The following AOAH variants were observed in gnomAD, a reference collection of about 807,000 sequenced individuals.
The protein encoded by AOAH is acyloxyacyl hydrolase.
Under a neutral mutation model 92.2 loss-of-function variants are expected in AOAH, and 64 were observed. That is an observed-to-expected ratio of 0.69 (90% CI 0.57 to 0.86). AOAH has a LOEUF of 0.86. Ranked by LOEUF, AOAH falls within the 40% of genes least tolerant of loss-of-function variation. The pLI is 0.00. For synonymous variants in AOAH, 263 were observed against 254.5 expected (o/e 1.03, Z -0.32); for missense variants, 656 against 694.6 (o/e 0.94, Z 0.62).
intron 3 of AOAH, among the ~76,000 whole-genome samples, chr7:36,660,137 C>T (rs570368214): frequency 2.5e-4 from 38 of 152,264 alleles, no homozygotes; most frequent in African/African-American, 6.0e-4. Context: ...ATAAAGCAAC[C>T]GCTTCCCCAT....
chr7:36,672,331 C>T (rs1470410055), intron 3 of AOAH, among the ~76,000 whole-genome samples: 1 of 152,162 alleles, frequency 6.6e-6, no homozygotes, highest in Non-Finnish European at 1.5e-5. Context: ...CTAATGGCCC[C>T]TTGAAGAGGA....
rs1278104553 is a variant in AOAH, at chr7:36,513,276, C to T, written c.1704G>A (p.Val568=). The T allele has an allele frequency of 1.2e-6, 2 of 1,614,204 alleles. No homozygotes were observed. Among genetic ancestry groups the T allele is most frequent in the South Asian group, 1.1e-5 (1 of 91,088 alleles). ...CTCAGTGCCCGCCTTGGTCTCCAAA[C>T]ACCTGTTTAATCTGGGGGTTGAACG... ...ENPFNPQIKQ[V]FGDQGGH The change falls in exon 21 of 21, where the codon GTG becomes GTA. Residue 568 remains valine (V), a synonymous_variant. Transcript: ENST00000617537.
intron 1 of AOAH, among the ~76,000 whole-genome samples, chr7:36,718,498 G>A (rs1392586420): frequency 1.3e-5 from 2 of 152,092 alleles, no homozygotes; most frequent in Admixed American, 6.5e-5. Flanking sequence ...ACAAAATCTT[G>A]TACATGAATA....
chr7:36,600,833 A>G (rs1456680544), intron 11 of AOAH, among the ~76,000 whole-genome samples: 1 of 152,182 alleles, frequency 6.6e-6, no homozygotes, highest in Non-Finnish European at 1.5e-5. Context: ...CTTTGGGTGA[A>G]AAGTTCTGAA....
chr7:36,678,602 C>CGT (rs1256176834), intron 2 of AOAH, among the ~76,000 whole-genome samples: 5 of 75,894 alleles, frequency 6.6e-5, no homozygotes, highest in Non-Finnish European at 1.6e-4. Flanking sequence ...TGTGTGTGTG[C>CGT]GCGCGCGCGC....
chr7:36,670,300 G>A (rs1234889164), intron 3 of AOAH, among the ~76,000 whole-genome samples: 3 of 152,310 alleles, frequency 2.0e-5, no homozygotes, highest in South Asian at 2.1e-4. Flanking sequence ...CTTAAAACAA[G>A]CTGTATGAAG....
chr7:36,549,747 G>A (rs571227303), intron 13 of AOAH, among the ~76,000 whole-genome samples: 1 of 152,202 alleles, frequency 6.6e-6, no homozygotes, highest in African/African-American at 2.4e-5. Flanking sequence ...CATTTCCTAA[G>A]CATAAATGAG....
chr7:36,697,274 A>G (rs2116863343), intron 1 of AOAH, among the ~76,000 whole-genome samples: 1 of 152,278 alleles, frequency 6.6e-6, no homozygotes, highest in South Asian at 2.1e-4. Flanking sequence ...TTTTTCAAAT[A>G]ATTTTCCTAC....
intron 5 of AOAH, 66 bp from the exon 6 acceptor site, chr7:36,632,172 A>C: frequency 7.3e-7 from 1 of 1,364,720 alleles, no homozygotes. Flanking sequence ...CACCTTCTAA[A>C]GGCCCCTCTG....
intron 5 of AOAH, among the ~76,000 whole-genome samples, chr7:36,633,530 C>A (rs1793292544): frequency 6.6e-6 from 1 of 152,150 alleles, no homozygotes; most frequent in African/African-American, 2.4e-5. Context: ...CCGAGCAGTG[C>A]TGTGGAGGTA....
intron 4 of AOAH, among the ~76,000 whole-genome samples, chr7:36,657,866 G>A (rs1336626796): frequency 1.3e-5 from 2 of 152,200 alleles, no homozygotes; most frequent in Non-Finnish European, 2.9e-5. Flanking sequence ...ACAATTTAAA[G>A]TTGAACTTTT....
intron 12 of AOAH, among the ~76,000 whole-genome samples, chr7:36,580,503 T>A (rs1021346610): frequency 2.0e-5 from 3 of 152,246 alleles, no homozygotes; most frequent in African/African-American, 7.2e-5. Flanking sequence ...TTAATTTCAG[T>A]TATTTTAATA....
chr7:36,577,024 C>CTTTTTTTTTTT (rs565396541), intron 12 of AOAH, among the ~76,000 whole-genome samples: 1 of 131,438 alleles, frequency 7.6e-6, no homozygotes. Flanking sequence ...TGTTGCCTTT[C>CTTTTTTTTTTT]TTTTTTTTTT....
At chr7:36,582,990 G>A (rs570179311) in intron 12 of AOAH, among the ~76,000 whole-genome samples, 3 of 152,080 alleles carry the variant, frequency 2.0e-5, no homozygotes, top group East Asian at 1.9e-4. Flanking sequence ...GATTATAAGC[G>A]CATGCCACCA....
At chr7:36,691,997 A>G (rs1797428610) in intron 1 of AOAH, among the ~76,000 whole-genome samples, 1 of 152,200 alleles carries the variant, frequency 6.6e-6, no homozygotes, top group African/African-American at 2.4e-5. Context: ...TTCATCATCT[A>G]CCAGCTGAGC....
At chr7:36,723,376 T>G (rs944377514) in intron 1 of AOAH, among the ~76,000 whole-genome samples, 2 of 152,126 alleles carry the variant, frequency 1.3e-5, no homozygotes, top group African/African-American at 4.8e-5. Context: ...AATAAAACAC[T>G]TCATTAACAG....
chr7:36,697,851 C>T (rs375728235), intron 1 of AOAH, among the ~76,000 whole-genome samples: 1 of 152,138 alleles, frequency 6.6e-6, no homozygotes, highest in Non-Finnish European at 1.5e-5. Flanking sequence ...GAGAATGCCA[C>T]GTGAAGACAA....
At chr7:36,690,964 C>T (rs1158000150) in intron 1 of AOAH, among the ~76,000 whole-genome samples, 1 of 152,180 alleles carries the variant, frequency 6.6e-6, no homozygotes, top group Non-Finnish European at 1.5e-5. Context: ...GCTGGAAATA[C>T]AGCCAACTGC....
intron 15 of AOAH, among the ~76,000 whole-genome samples, chr7:36,548,272 G>T (rs1378139543): frequency 2.0e-5 from 3 of 152,176 alleles, no homozygotes; most frequent in African/African-American, 7.2e-5. Flanking sequence ...GGCAACCTCT[G>T]TCTCCTGGGT....
Sources: gnomAD v4.1 joint callset for allele counts (sites outside exome capture counted in the v4.1 genomes callset) on GRCh38, gnomAD v4.1.1 for gene constraint, MANE v1.5 for transcripts, NCBI Gene and HGNC (gene_info 2026-07-23, HGNC 2026-07-21) for gene names.